PRAG1: variants seen among roughly 807,000 people sequenced by gnomAD.
PRAG1 encodes the protein inactive tyrosine-protein kinase PRAG1.
In PRAG1, 110 loss-of-function variants were observed where a neutral mutation model predicts 95.6. The ratio of observed to expected loss-of-function variants is 1.15; its 90% confidence interval spans 0.99 to 1.35. The LOEUF is 1.35. PRAG1 is among the 40% of genes most tolerant of loss of function. The pLI is 0.00. For missense variants in PRAG1, 2,554 were observed against 1,864.7 expected, an observed-to-expected ratio of 1.37 and a Z score of -6.81; for synonymous variants, 1,052 against 819.4, an observed-to-expected ratio of 1.28 and a Z score of -4.85.
intron 4 of PRAG1, among the ~76,000 whole-genome samples, chr8:8,329,829 G>C (rs991450993): frequency 5.3e-5 from 8 of 152,242 alleles, no homozygotes; most frequent in African/African-American, 1.7e-4. Context: ...TCTCTAGGGA[G>C]CAAGATGGAT....
At chr8:8,341,649 G>A (rs972246994) in intron 3 of PRAG1, among the ~76,000 whole-genome samples, 1 of 152,174 alleles carries the variant, frequency 6.6e-6, no homozygotes, top group Non-Finnish European at 1.5e-5. Context: ...GATGAGTTAT[G>A]TTAATAGCTT....
chr8:8,378,339 G>A (rs1360990597), intron 2 of PRAG1, among the ~76,000 whole-genome samples: 1 of 152,116 alleles, frequency 6.6e-6, no homozygotes, highest in African/African-American at 2.4e-5. Flanking sequence ...TAATGCTTTT[G>A]GCTTAAGTCT....
intron 4 of PRAG1, among the ~76,000 whole-genome samples, chr8:8,336,283 T>C (rs1424548416): frequency 6.6e-6 from 1 of 152,214 alleles, no homozygotes; most frequent in Non-Finnish European, 1.5e-5. Context: ...ACATTAGGTT[T>C]GCAAATTTAC....
chr8:8,376,121 T>G, intron 3 of PRAG1, 126 bp downstream of exon 3: 2 of 1,324,002 alleles, frequency 1.5e-6, no homozygotes, highest in Non-Finnish European at 2.1e-6. Context: ...GAAATTTACA[T>G]AAAGGCACAA....
chr8:8,357,413 C>T (rs1585254303), intron 3 of PRAG1, among the ~76,000 whole-genome samples: 1 of 152,250 alleles, frequency 6.6e-6, no homozygotes, highest in Non-Finnish European at 1.5e-5. Context: ...CAAAAACCCA[C>T]AAGGGCCAGT....
At chr8:8,359,984 C>A (rs1214313284) in intron 3 of PRAG1, among the ~76,000 whole-genome samples, 1 of 152,134 alleles carries the variant, frequency 6.6e-6, no homozygotes, top group Non-Finnish European at 1.5e-5. Context: ...TCCTTTGACC[C>A]TGGAAACTGT....
intron 4 of PRAG1, among the ~76,000 whole-genome samples, chr8:8,338,657 C>T (rs1018303838): frequency 1.3e-5 from 2 of 152,218 alleles, no homozygotes; most frequent in Non-Finnish European, 2.9e-5. Context: ...ACTCTTTTGT[C>T]TCAGCCAGTA....
At chr8:8,347,680 C>T (rs894870668) in intron 3 of PRAG1, among the ~76,000 whole-genome samples, 5 of 152,076 alleles carry the variant, frequency 3.3e-5, no homozygotes, top group African/African-American at 7.2e-5. Context: ...AGCATTAAGC[C>T]GACTCTGTGC....
intron 3 of PRAG1, among the ~76,000 whole-genome samples, chr8:8,363,032 T>C (rs1235682044): frequency 6.6e-6 from 1 of 150,662 alleles, no homozygotes; most frequent in Non-Finnish European, 1.5e-5. Context: ...AATATTGTAG[T>C]TAAAGTATAA....
At chr8:8,333,152 A>G (rs1055735445) in intron 4 of PRAG1, among the ~76,000 whole-genome samples, 1 of 152,172 alleles carries the variant, frequency 6.6e-6, no homozygotes, top group Admixed American at 6.5e-5. Context: ...CCTTACAATT[A>G]AGGGTGCAAA....
At position 8,386,431 on chromosome 8, in the gene PRAG1, G is replaced by A. The variant is rs898217035; in HGVS notation, c.-198C>T. On this transcript the variant is annotated 5_prime_UTR_variant, in exon 1 of 6. Transcript: ENST00000615670. ...GCGGTGCGTGCCCGGCCGCGGGCGG[G>A]TGGCTTCTGCCTGGGCCCGGCGGCC... is the stretch of plus-strand genomic sequence containing the variant. 1 of 151,690 alleles carries A rather than the reference G, an allele frequency of 6.6e-6. No individual in the cohort carries two copies. Among genetic ancestry groups the A allele is most frequent in the African/African-American group, 2.4e-5 (1 of 41,354 alleles). The allele number at this position is 151,690 out of a possible 1,614,324, so 9.4% of individuals were successfully genotyped here.
rs1031125000 is a variant in PRAG1, at chr8:8,317,813, G to A, written c.*341C>T. The A allele has an allele frequency of 5.6e-6, 1 of 178,736 alleles. No individual in the cohort carries two copies. Among genetic ancestry groups the A allele is most frequent in the East Asian group, 1.4e-4 (1 of 7,338 alleles). The allele number at this position is 178,736 out of a possible 1,614,324, so 11.1% of individuals were successfully genotyped here. A position where few individuals can be genotyped will look rare whatever the true frequency, so the allele number is the denominator to read the frequency against. ...CTTTAAATAACAATTTGACAAAAGG[G>A]TGAAGAAATCCTAAACAAGGTATTG... is the stretch of plus-strand genomic sequence containing the variant. On this transcript the variant is annotated 3_prime_UTR_variant, in exon 6 of 6. Transcript: ENST00000615670.
At chr8:8,348,936 G>C (rs780994356) in intron 3 of PRAG1, among the ~76,000 whole-genome samples, 1 of 152,184 alleles carries the variant, frequency 6.6e-6, no homozygotes, top group Non-Finnish European at 1.5e-5. Context: ...AAGTTTATCT[G>C]CCTCTGTTTT....
At position 8,376,602 on chromosome 8, in the gene PRAG1, C is replaced by A. The variant is rs756413096; in HGVS notation, c.1807G>T (p.Gly603Cys). Reference protein sequence around the residue: ...ADPAPSCRTNGVAISDPSRCP... With the variant: ...ADPAPSCRTNCVAISDPSRCP... ...CTGGATGGGTCACTGATAGCGACACCGTTGGTCCGGCAGGAAGGAGCGGGG... is the reference window on the plus strand; with the variant it reads ...CTGGATGGGTCACTGATAGCGACACAGTTGGTCCGGCAGGAAGGAGCGGGG... Residue 603 changes from glycine (G) to cysteine (C), a missense_variant, in exon 3 of 6, where the codon GGT becomes TGT. Gly to Cys is a radical substitution (Grantham distance 159). Coordinates refer to ENST00000615670, the MANE Select transcript of PRAG1 (RefSeq NM_001080826.3). The A allele has an allele frequency of 6.2e-7, 1 of 1,603,654 alleles. No individual in the cohort carries two copies. Among genetic ancestry groups the A allele is most frequent in the South Asian group, 1.1e-5 (1 of 89,612 alleles).
At chr8:8,352,721 A>G (rs1799562496) in intron 3 of PRAG1, among the ~76,000 whole-genome samples, 1 of 152,150 alleles carries the variant, frequency 6.6e-6, no homozygotes, top group Non-Finnish European at 1.5e-5. Flanking sequence ...CTTTCCCAAT[A>G]TCTCACTTCT....
At position 8,318,577 on chromosome 8, in the gene PRAG1, G is replaced by A. The variant is rs769643561; in HGVS notation, c.3798C>T (p.His1266=). 36 of 1,613,568 alleles carry A rather than the reference G, an allele frequency of 2.2e-5. No homozygotes were observed. The South Asian group carries it at 3.2e-4, about 14-fold the overall frequency. Residue 1266 remains histidine, a synonymous_variant, in exon 6 of 6, where the codon CAC becomes CAT. Coordinates refer to ENST00000615670, the MANE Select transcript of PRAG1 (RefSeq NM_001080826.3). This position sits in a 1 kb window ranked among gnomAD's most constrained non-coding sequence, Gnocchi z 4.2. Reference sequence around the variant, plus strand: ...CGCGCACCTCGAACGGGTTGGGTTGGTGCAGCAGCTCGTAGATGAGGATGC... The same window carrying A: ...CGCGCACCTCGAACGGGTTGGGTTGATGCAGCAGCTCGTAGATGAGGATGC... ...QTGILIYELL[H]QPNPFEVRAQ...
chr8:8,381,766 T>C lies in PRAG1; in HGVS notation c.-19A>G. ...GGTGCATCTTGAGCCGACAGGGTGC[T>C]GGTTCATCTTGCGCCCGGCTCTCTG... On this transcript the variant is annotated 5_prime_UTR_variant, in exon 2 of 6. Coordinates refer to ENST00000615670, the MANE Select transcript of PRAG1 (RefSeq NM_001080826.3). The C allele has an allele frequency of 6.5e-7, 1 of 1,546,918 alleles. No individual in the cohort carries two copies. The highest frequency in any genetic ancestry group is 8.8e-7 in the Non-Finnish European group (1 of 1,142,588).
In PRAG1 at chr8:8,377,630, C is replaced by A; in HGVS notation, c.779G>T (p.Cys260Phe). The A allele has an allele frequency of 2.5e-6, 4 of 1,613,430 alleles. No homozygotes were observed. The highest frequency in any genetic ancestry group is 3.4e-6 in the Non-Finnish European group (4 of 1,179,956). The change falls in exon 3 of 6, where the codon TGC (cysteine) becomes TTC (phenylalanine). Residue 260 changes from cysteine to phenylalanine, a missense_variant. Transcript: ENST00000615670. ...AGCCTTGGCAACAGGGCTCCCAGGGCAGCAGTCCAGGATGGAGCAGTACTC... is the reference window on the plus strand; with the variant it reads ...AGCCTTGGCAACAGGGCTCCCAGGGAAGCAGTCCAGGATGGAGCAGTACTC... ...GGEYCSILDC[C>F]PGSPVAKAAS... is the part of the protein sequence containing the mutation.
chr8:8,381,030 G>T (rs1479042578), intron 2 of PRAG1, among the ~76,000 whole-genome samples: 1 of 152,112 alleles, frequency 6.6e-6, no homozygotes, highest in Non-Finnish European at 1.5e-5. Context: ...GTCAGGAGTT[G>T]ATGGTTGCTG....
Sources: allele counts gnomAD v4.1 joint callset (sites outside exome capture counted in the v4.1 genomes callset), GRCh38; gene constraint gnomAD v4.1.1; non-coding constraint Gnocchi (gnomAD v3.1); transcripts MANE v1.5; gene names NCBI Gene and HGNC (gene_info 2026-07-23, HGNC 2026-07-21).